Variants in LRFN5 observed in about 807,000 individuals in gnomAD.
LRFN5 encodes the protein leucine-rich repeat and fibronectin type-III domain-containing protein 5.
In LRFN5, 24 loss-of-function variants were observed where a neutral mutation model predicts 45.6. The observed-to-expected ratio is 0.53, with a 90% CI of 0.38 to 0.74. LRFN5 has a LOEUF of 0.74. Among genes scored for constraint, LRFN5 ranks in the 30% least tolerant of loss-of-function variants. The probability of loss-of-function intolerance (pLI) is 0.00; values close to 1 mark genes in which losing one functional copy is unlikely to be tolerated. For missense variants in LRFN5, 776 were observed against 861.5 expected, an observed-to-expected ratio of 0.90 and a Z score of 1.24; for synonymous variants, 340 against 313.8, an observed-to-expected ratio of 1.08 and a Z score of -0.88.
intron 2 of LRFN5, among the ~76,000 whole-genome samples, chr14:41,863,620 TATAAATTATTCTGA>T (rs1889742665): frequency 6.6e-6 from 1 of 152,246 alleles, no homozygotes; most frequent in South Asian, 2.1e-4. Flanking sequence ...TGCACTGCAG[TATAAATTATTCTGA>T]ATAAATACAA....
intron 2 of LRFN5, among the ~76,000 whole-genome samples, chr14:41,807,551 A>C (rs1468087809): frequency 6.6e-6 from 1 of 152,158 alleles, no homozygotes; most frequent in Non-Finnish European, 1.5e-5. Context: ...AGGCACTGAA[A>C]TCTGAGTAAA....
At chr14:41,684,069 C>T (rs574829919) in intron 1 of LRFN5, among the ~76,000 whole-genome samples, 2 of 151,856 alleles carry the variant, frequency 1.3e-5, no homozygotes, top group South Asian at 2.1e-4. Context: ...TATAGTATCC[C>T]ACACAACATA....
intron 1 of LRFN5, among the ~76,000 whole-genome samples, chr14:41,620,049 A>G (rs1594554975): frequency 6.6e-6 from 1 of 152,074 alleles, no homozygotes; most frequent in Non-Finnish European, 1.5e-5. Context: ...ATACGTCTTT[A>G]TATTTTACAG....
chr14:41,891,192 T>C, intron 3 of LRFN5, 58 bp from the exon 4 acceptor site: 1 of 1,341,954 alleles, frequency 7.5e-7, no homozygotes, highest in African/African-American at 1.5e-5. Context: ...CATAATGACT[T>C]TCTGTGTATG....
At chr14:41,696,943 C>T (rs1335994918) in intron 1 of LRFN5, among the ~76,000 whole-genome samples, 1 of 151,930 alleles carries the variant, frequency 6.6e-6, no homozygotes, top group Non-Finnish European at 1.5e-5. Flanking sequence ...TACCTTGAAT[C>T]CTGGAGTAAA....
At chr14:41,731,279 A>T (rs1884165192) in intron 1 of LRFN5, 1 of 151,964 alleles carries the variant, frequency 6.6e-6, no homozygotes, top group Admixed American at 6.6e-5. Context: ...TTTTTCACAT[A>T]CAGTATCTGA....
intron 2 of LRFN5, among the ~76,000 whole-genome samples, chr14:41,881,960 G>C (rs1043670101): frequency 1.3e-5 from 2 of 152,036 alleles, no homozygotes; most frequent in South Asian, 2.1e-4. Context: ...GGTGTCTCTG[G>C]ATCTGCTTCT....
At chr14:41,698,889 A>G (rs991711984) in intron 1 of LRFN5, among the ~76,000 whole-genome samples, 2 of 152,048 alleles carry the variant, frequency 1.3e-5, no homozygotes, top group East Asian at 3.8e-4. Flanking sequence ...GTGTATGGTA[A>G]GAAAATGTGC....
chr14:41,660,744 C>A (rs976955426), intron 1 of LRFN5, among the ~76,000 whole-genome samples: 4 of 151,686 alleles, frequency 2.6e-5, no homozygotes, highest in Non-Finnish European at 2.9e-5. Context: ...TGGGAAACTA[C>A]AGTATTAATC....
chr14:41,643,749 T>C (rs557296502), intron 1 of LRFN5, among the ~76,000 whole-genome samples: 1 of 152,126 alleles, frequency 6.6e-6, no homozygotes, highest in East Asian at 1.9e-4. Context: ...TTTAAAGCTA[T>C]TTACCGTTAC....
chr14:41,752,771 T>G lies in LRFN5; in HGVS notation c.-196-14083T>G, dbSNP rs567844696. Among the ~76,000 whole-genome samples, 8 of 152,338 alleles carry G rather than the reference T, an allele frequency of 5.3e-5. No individual in the cohort carries two copies. The South Asian group carries it at 1.7e-3, about 32-fold the overall frequency. On this transcript the variant is annotated intron_variant, in intron 1 of 5. Transcript: ENST00000298119. Reference sequence around the variant, plus strand: ...CTGTGCAGAAGCTCTTTAGTTTAATTAGATCCCATTTGTCAATTTGGGCTT... The same window carrying G: ...CTGTGCAGAAGCTCTTTAGTTTAATGAGATCCCATTTGTCAATTTGGGCTT...
intron 2 of LRFN5, among the ~76,000 whole-genome samples, chr14:41,824,552 C>G (rs1454374879): frequency 1.3e-5 from 2 of 152,200 alleles, no homozygotes; most frequent in Non-Finnish European, 2.9e-5. Flanking sequence ...TTATCTTACA[C>G]CCAGTGCTGT....
intron 1 of LRFN5, among the ~76,000 whole-genome samples, chr14:41,724,711 C>T (rs1186507104): frequency 6.6e-6 from 1 of 151,930 alleles, no homozygotes; most frequent in Non-Finnish European, 1.5e-5. Flanking sequence ...ATGTAATAAC[C>T]TGGAAAATTA....
intron 1 of LRFN5, among the ~76,000 whole-genome samples, chr14:41,754,233 GT>G (rs374341576): frequency 0.76 from 114,887 of 151,292 alleles, 43,978 homozygotes; most frequent in East Asian, 0.97. Context: ...CTCTTTTTTT[GT>G]TGTGTCTCTG....
At position 41,739,360 on chromosome 14, in the gene LRFN5, G is replaced by T. The variant is rs77540502; in HGVS notation, c.-196-27494G>T. ...TCATCACACCACTGCACTCCAGCCT[G>T]AGTGGCAGAGCCAGACATTGTGTCA... is the stretch of plus-strand genomic sequence containing the variant. On this transcript the variant is annotated intron_variant, in intron 1 of 5. Transcript: ENST00000298119. 3.5e-3 allele frequency among the ~76,000 whole-genome samples: 527 copies of T among 151,838 alleles called. 17 individuals are homozygous for T. The East Asian group carries it at 0.09, about 26-fold the overall frequency.
At chr14:41,688,292 T>G (rs984918463) in intron 1 of LRFN5, among the ~76,000 whole-genome samples, 10 of 152,104 alleles carry the variant, frequency 6.6e-5, no homozygotes, top group African/African-American at 2.4e-4. Flanking sequence ...TATTGTACGT[T>G]TAAAAACAAC....
intron 1 of LRFN5, among the ~76,000 whole-genome samples, chr14:41,721,738 G>A (rs72686528): frequency 0.16 from 23,753 of 152,100 alleles, 2,190 homozygotes; most frequent in Non-Finnish European, 0.22. Context: ...AAAGTCTCCC[G>A]TTAGCCTGAT....
intron 1 of LRFN5, chr14:41,700,448 G>A (rs1882792798): frequency 6.6e-6 from 1 of 152,082 alleles, no homozygotes; most frequent in South Asian, 2.1e-4. Flanking sequence ...AAGCGTAAAC[G>A]AGTGATAGAG....
chr14:41,803,958 G>A (rs550796683), intron 2 of LRFN5, among the ~76,000 whole-genome samples: 3 of 152,224 alleles, frequency 2.0e-5, no homozygotes, highest in Non-Finnish European at 2.9e-5. Flanking sequence ...CTGCCTCCCA[G>A]GTTCAGGTGA....
Sources: gnomAD v4.1 joint callset for allele counts (sites outside exome capture counted in the v4.1 genomes callset) on GRCh38, gnomAD v4.1.1 for gene constraint, MANE v1.5 for transcripts, NCBI Gene and HGNC (gene_info 2026-07-23, HGNC 2026-07-21) for gene names.